PKN2: variants seen among roughly 807,000 people sequenced by gnomAD.
PKN2 encodes the protein protein kinase N2.
PKN2 carries 38 observed loss-of-function variants against 119.1 expected under a neutral mutation model. The ratio of observed to expected loss-of-function variants is 0.32; its 90% CI spans 0.25 to 0.42. PKN2 has a LOEUF of 0.42. Among genes scored for constraint, PKN2 ranks in the 10% least tolerant of loss-of-function variants. The pLI is 1.00. For missense variants in PKN2, 850 were observed against 1,165.1 expected, an observed-to-expected ratio of 0.73 and a Z score of 3.94; for synonymous variants, 390 against 384.9, an observed-to-expected ratio of 1.01 and a Z score of -0.15.
intron 1 of PKN2, among the ~76,000 whole-genome samples, chr1:88,687,284 T>G (rs980984041): frequency 6.6e-6 from 1 of 152,182 alleles, no homozygotes; most frequent in African/African-American, 2.4e-5. Context: ...TAATAAACTA[T>G]GTAAACTTTG....
chr1:88,757,886 C>T (rs1008338190), intron 2 of PKN2, among the ~76,000 whole-genome samples: 1 of 151,050 alleles, frequency 6.6e-6, no homozygotes, highest in African/African-American at 2.4e-5. Context: ...ACTAAAAATA[C>T]AAAAAATTAG....
chr1:88,728,069 A>G (rs960841934), intron 1 of PKN2, among the ~76,000 whole-genome samples: 3 of 149,064 alleles, frequency 2.0e-5, no homozygotes, highest in African/African-American at 7.5e-5. Context: ...TTCTGGCACA[A>G]TCTGGAGAAG....
chr1:88,795,680 G>A (rs923668613), intron 8 of PKN2, among the ~76,000 whole-genome samples: 13 of 152,218 alleles, frequency 8.5e-5, no homozygotes, highest in Admixed American at 8.5e-4. Flanking sequence ...CTAGAAAGTG[G>A]TGGAGCCAGT....
At chr1:88,816,806 A>G (rs1010703958) in intron 16 of PKN2, 1 of 152,178 alleles carries the variant, frequency 6.6e-6, no homozygotes, top group Non-Finnish European at 1.5e-5. Context: ...ACATACACTA[A>G]AATTGGAACC....
chr1:88,720,917 T>C (rs920567717), intron 1 of PKN2, among the ~76,000 whole-genome samples: 1 of 152,208 alleles, frequency 6.6e-6, no homozygotes, highest in African/African-American at 2.4e-5. Context: ...TTAGAATAGT[T>C]GTCTCCGATT....
At chr1:88,688,602 A>C (rs1046785273) in intron 1 of PKN2, among the ~76,000 whole-genome samples, 3 of 152,254 alleles carry the variant, frequency 2.0e-5, no homozygotes, top group Non-Finnish European at 2.9e-5. Flanking sequence ...TTGTAGATAC[A>C]GTCTAATATT....
In PKN2 at chr1:88,703,974, G is replaced by C. The variant is rs963684314; in HGVS notation, c.48+19346G>C. Among the ~76,000 whole-genome samples, 356 of 151,616 alleles carry C rather than the reference G, an allele frequency of 2.3e-3. 10 individuals carry two copies. Among genetic ancestry groups the C allele is most frequent in the Non-Finnish European group, 2.7e-4 (18 of 67,844 alleles). ...AGACTTAAAAAGGCTTTTTTTTTCA[G>C]CATCCTTATTTAAAGAGATATAATT... On this transcript the variant is annotated intron_variant, in intron 1 of 21. Transcript: ENST00000370521.
intron 15 of PKN2, among the ~76,000 whole-genome samples, chr1:88,812,677 A>G (rs1671824739): frequency 6.6e-6 from 1 of 152,200 alleles, no homozygotes; most frequent in Non-Finnish European, 1.5e-5. Context: ...TCAAGGTTAC[A>G]GGGAGCCATG....
intron 1 of PKN2, among the ~76,000 whole-genome samples, chr1:88,711,050 G>A (rs1198750587): frequency 6.6e-6 from 1 of 152,072 alleles, no homozygotes; most frequent in Admixed American, 6.6e-5. Context: ...AACAGAAAAC[G>A]AAATACTACA....
intron 16 of PKN2, among the ~76,000 whole-genome samples, chr1:88,815,998 G>A (rs1277031574): frequency 3.3e-5 from 5 of 151,780 alleles, no homozygotes; most frequent in Non-Finnish European, 5.9e-5. Context: ...AAATTAGCTG[G>A]GCATGGTGGC....
chr1:88,822,203 C>A (rs1037460688), intron 17 of PKN2, among the ~76,000 whole-genome samples, 200 bp downstream of exon 17: 1 of 152,118 alleles, frequency 6.6e-6, no homozygotes, highest in Admixed American at 6.5e-5. Flanking sequence ...ATCCATAGCA[C>A]ATTTTCTAAT....
chr1:88,826,366 C>T (rs1227679957), intron 18 of PKN2, among the ~76,000 whole-genome samples: 1 of 152,056 alleles, frequency 6.6e-6, no homozygotes, highest in Non-Finnish European at 1.5e-5. Flanking sequence ...ATGCATATCT[C>T]CTGTAATTTA....
intron 6 of PKN2, among the ~76,000 whole-genome samples, chr1:88,775,968 C>T (rs1368352288): frequency 1.3e-5 from 2 of 151,882 alleles, no homozygotes; most frequent in Admixed American, 6.6e-5. Context: ...ATTAGCCGGG[C>T]GTGGTGGCAG....
chr1:88,771,251 G>A (rs978621522), intron 4 of PKN2, among the ~76,000 whole-genome samples, 170 bp from the exon 5 acceptor site: 1 of 152,102 alleles, frequency 6.6e-6, no homozygotes, highest in Non-Finnish European at 1.5e-5. Context: ...TGACAAAAAT[G>A]AAAGGCTCTG....
At chr1:88,805,783 A>G (rs1570658413) in intron 11 of PKN2, 108 bp from the exon 12 acceptor site, 1 of 1,603,590 alleles carries the variant, frequency 6.2e-7, no homozygotes, top group African/African-American at 1.3e-5. Flanking sequence ...GTATTTTGAA[A>G]GTAGTGTTCT....
intron 1 of PKN2, among the ~76,000 whole-genome samples, chr1:88,713,161 A>G (rs187870064): frequency 1.4e-3 from 212 of 152,280 alleles, no homozygotes; most frequent in Non-Finnish European, 1.6e-3. Flanking sequence ...CACTTTCTTA[A>G]TCCAGTCTAT....
At chr1:88,829,228 A>T (rs1672634458) in intron 19 of PKN2, 1 of 720,066 alleles carries the variant, frequency 1.4e-6, no homozygotes, top group African/African-American at 1.7e-5. Context: ...TCAGCACGAT[A>T]AAAGCCATGT....
At chr1:88,703,308 G>A (rs986476427) in intron 1 of PKN2, among the ~76,000 whole-genome samples, 12 of 152,026 alleles carry the variant, frequency 7.9e-5, no homozygotes, top group African/African-American at 2.2e-4. Flanking sequence ...AGTCTAAAAC[G>A]TGCAGATAGT....
At position 88,784,735 on chromosome 1, in the gene PKN2, C is replaced by T; in HGVS notation, c.1082C>T (p.Pro361Leu). ...ATSVALPGWS[P>L]SETRSSFMSR... ...TCAGTTGCACTGCCTGGTTGGAGTC[C>T]AAGTGAAACCAGATCATCTTTCATG... Residue 361 changes from proline (P) to leucine (L), a missense_variant, in exon 7 of 22, where the codon CCA becomes CTA. Coordinates refer to ENST00000370521, the MANE Select transcript of PKN2 (RefSeq NM_006256.4). 6.2e-7 allele frequency: 1 copy of T among 1,612,050 alleles called. No individual in the cohort carries two copies. The highest frequency in any genetic ancestry group is 8.5e-7 in the Non-Finnish European group (1 of 1,178,556).
Sources: allele counts gnomAD v4.1 joint callset (sites outside exome capture counted in the v4.1 genomes callset), GRCh38; gene constraint gnomAD v4.1.1; transcripts MANE v1.5; gene names NCBI Gene and HGNC (gene_info 2026-07-23, HGNC 2026-07-21).